The following PIAS2 variants were observed in gnomAD, a reference collection of about 807,000 sequenced individuals.
PIAS2 encodes the protein E3 SUMO-protein ligase PIAS2.
Under a neutral mutation model 69.7 loss-of-function variants are expected in PIAS2, and 19 were observed. The observed-to-expected ratio is 0.27, with a 90% CI of 0.19 to 0.40. The LOEUF (loss-of-function observed/expected upper bound fraction) is 0.40. Among genes scored for constraint, PIAS2 ranks in the 10% least tolerant of loss-of-function variants. PIAS2 has a pLI of 1.00. For missense variants in PIAS2, 624 were observed against 757.0 expected (o/e 0.82, Z 2.06); for synonymous variants, 261 against 263.2 (o/e 0.99, Z 0.08).
At chr18:46,873,805 G>A (rs962268871) in intron 2 of PIAS2, among the ~76,000 whole-genome samples, 2 of 152,114 alleles carry the variant, frequency 1.3e-5, no homozygotes, top group Non-Finnish European at 2.9e-5. Flanking sequence ...AAAGCCGAGG[G>A]AATAACCTTC....
intron 1 of PIAS2, among the ~76,000 whole-genome samples, chr18:46,893,050 T>C (rs1251700632): frequency 6.6e-6 from 1 of 152,076 alleles, no homozygotes; most frequent in Non-Finnish European, 1.5e-5. Context: ...CATACTCTAA[T>C]AGAACACATA....
chr18:46,831,392 A>C (rs2043595603), intron 9 of PIAS2, among the ~76,000 whole-genome samples: 1 of 152,204 alleles, frequency 6.6e-6, no homozygotes, highest in African/African-American at 2.4e-5. Context: ...TCCTGTTCAT[A>C]AATCAGAAGA....
intron 2 of PIAS2, among the ~76,000 whole-genome samples, chr18:46,872,196 A>G (rs2050460381): frequency 6.6e-6 from 1 of 152,192 alleles, no homozygotes; most frequent in Non-Finnish European, 1.5e-5. Flanking sequence ...AAGGCCCCAG[A>G]GCTATTAACT....
intron 1 of PIAS2, among the ~76,000 whole-genome samples, chr18:46,897,926 T>C (rs2055154719): frequency 6.6e-6 from 1 of 151,902 alleles, no homozygotes; most frequent in Non-Finnish European, 1.5e-5. Context: ...AGCTGGAGTG[T>C]GGCAACACGA....
intron 12 of PIAS2, chr18:46,816,808 T>C: frequency 1.0e-6 from 1 of 985,172 alleles, no homozygotes; most frequent in Non-Finnish European, 1.2e-6. Context: ...ACTAGCTATA[T>C]GACACAGTGG....
At chr18:46,825,870 T>C (rs2042778728) in intron 11 of PIAS2, among the ~76,000 whole-genome samples, 1 of 152,238 alleles carries the variant, frequency 6.6e-6, no homozygotes, top group South Asian at 2.1e-4. Context: ...ATCCATCTTA[T>C]CAATGTATTT....
At chr18:46,849,652 T>C (rs1265601204) in intron 5 of PIAS2, among the ~76,000 whole-genome samples, 1 of 152,234 alleles carries the variant, frequency 6.6e-6, no homozygotes, top group Non-Finnish European at 1.5e-5. Flanking sequence ...ATTATTGTAC[T>C]TTAACATTTT....
rs1045774526 is a variant in PIAS2 at position 46,806,146 on chromosome 18, C to G, written c.*6287G>C. On this transcript the variant is annotated 3_prime_UTR_variant, in exon 14 of 14. Coordinates refer to ENST00000585916, the MANE Select transcript of PIAS2 (RefSeq NM_004671.5). Reference sequence around the variant, plus strand: ...TCCCATATCAGTCTCCTAGATAGCACAGCTAATTAACGTCACTTCAGTTTA... The same window carrying G: ...TCCCATATCAGTCTCCTAGATAGCAGAGCTAATTAACGTCACTTCAGTTTA... 1 of 152,110 alleles carries G rather than the reference C, an allele frequency of 6.6e-6. No homozygotes were observed. The highest frequency in any genetic ancestry group is 2.4e-5 in the African/African-American group (1 of 41,400). The allele number at this position is 152,110 out of a possible 1,614,324, so 9.4% of individuals were successfully genotyped here.
chr18:46,847,093 G>A (rs1431198087), intron 5 of PIAS2, among the ~76,000 whole-genome samples: 1 of 152,186 alleles, frequency 6.6e-6, no homozygotes, highest in Non-Finnish European at 1.5e-5. Context: ...TAAAGATGCT[G>A]ACATCTTGCC....
intron 1 of PIAS2, chr18:46,904,222 A>G (rs2056283332): frequency 6.6e-6 from 1 of 152,182 alleles, no homozygotes; most frequent in South Asian, 2.1e-4. Flanking sequence ...AAAAAACTAG[A>G]GAGAGTATAC....
chr18:46,838,908 C>T (rs2044867516), intron 8 of PIAS2, among the ~76,000 whole-genome samples: 1 of 152,154 alleles, frequency 6.6e-6, no homozygotes, highest in East Asian at 1.9e-4. Context: ...AATTTAATTA[C>T]CCACCTTTTC....
chr18:46,820,002 T>C (rs1030600855), intron 12 of PIAS2, among the ~76,000 whole-genome samples: 12 of 152,146 alleles, frequency 7.9e-5, no homozygotes, highest in African/African-American at 2.7e-4. Context: ...AAATATCACA[T>C]GGAAAATTCC....
intron 8 of PIAS2, among the ~76,000 whole-genome samples, chr18:46,838,310 A>G (rs1444483077): frequency 6.6e-6 from 1 of 152,226 alleles, no homozygotes; most frequent in Non-Finnish European, 1.5e-5. Context: ...CAATTATACT[A>G]AAAGGATGGT....
At chr18:46,916,550 C>G (rs1202679395) in intron 1 of PIAS2, among the ~76,000 whole-genome samples, 1 of 152,168 alleles carries the variant, frequency 6.6e-6, no homozygotes. Flanking sequence ...CTCTTCTGTT[C>G]TACCCCCATC....
At chr18:46,883,352 C>T (rs1420863942) in intron 2 of PIAS2, among the ~76,000 whole-genome samples, 1 of 152,158 alleles carries the variant, frequency 6.6e-6, no homozygotes, top group African/African-American at 2.4e-5. Flanking sequence ...GACATATCAA[C>T]ATTTATGATG....
At chr18:46,850,737 A>G (rs532956461) in intron 5 of PIAS2, among the ~76,000 whole-genome samples, 1 of 152,308 alleles carries the variant, frequency 6.6e-6, no homozygotes, top group South Asian at 2.1e-4. Flanking sequence ...TTCGGCATCC[A>G]TTGATGATAG....
At chr18:46,814,830 G>A (rs1599262004) in intron 13 of PIAS2, among the ~76,000 whole-genome samples, 1 of 152,276 alleles carries the variant, frequency 6.6e-6, no homozygotes, top group East Asian at 1.9e-4. Context: ...CAGAGAAAAC[G>A]GGGATGATTG....
At chr18:46,817,595 G>T (rs147244453) in intron 12 of PIAS2, 41 of 943,858 alleles carry the variant, frequency 4.3e-5, no homozygotes, top group African/African-American at 5.3e-5. Context: ...CCTCATCCAC[G>T]GAAAATTGAA....
At chr18:46,845,252 A>T (rs1443003335) in intron 6 of PIAS2, among the ~76,000 whole-genome samples, 1 of 152,208 alleles carries the variant, frequency 6.6e-6, no homozygotes. Flanking sequence ...CACTTAAAAG[A>T]GGAATTCCAC....
Sources: gnomAD v4.1 joint callset for allele counts (sites outside exome capture counted in the v4.1 genomes callset) on GRCh38, gnomAD v4.1.1 for gene constraint, MANE v1.5 for transcripts, NCBI Gene and HGNC (gene_info 2026-07-23, HGNC 2026-07-21) for gene names.